The following HSD17B10 variants were observed in gnomAD, a reference collection of about 807,000 sequenced individuals.
The protein encoded by HSD17B10 is 3-hydroxyacyl-CoA dehydrogenase type-2.
For synonymous variants in HSD17B10, 90 were observed against 85.9 expected (o/e 1.05, Z -0.26); for missense variants, 87 against 219.4 (o/e 0.40, Z 3.81).
Position 53,432,488 on chromosome X carries a change from A to G in HSD17B10, c.193-77T>C. On this transcript the variant is annotated intron_variant, in intron 2 of 5. Coordinates refer to ENST00000168216, the MANE Select transcript of HSD17B10 (RefSeq NM_004493.3). Reference sequence around the variant, plus strand: ...CACTAAACCTGAGGGAGGGCAGGGCAGGGCATGCCCAGTCCTTGGGTGAGA... The same window carrying G: ...CACTAAACCTGAGGGAGGGCAGGGCGGGGCATGCCCAGTCCTTGGGTGAGA... The G allele has an allele frequency of 4.7e-6, 4 of 857,588 alleles. No individual in the cohort carries two copies. The Admixed American group carries it at 8.9e-5, about 19-fold the overall frequency. 70.7% of individuals were successfully genotyped at this position (857,588 alleles called of 1,213,427 possible).
At chrX:53,434,261 G>A in intron 1 of HSD17B10, 58 bp downstream of exon 1, 1 of 1,132,419 alleles carries the variant, frequency 8.8e-7, no homozygotes, top group Non-Finnish European at 1.2e-6. Flanking sequence ...CTAGTTCCAC[G>A]GCCGCGCTGT....
In HSD17B10 at chrX:53,432,271, C is replaced by G. The variant is rs2075827834; in HGVS notation, c.333G>C (p.Leu111Phe). The G allele has an allele frequency of 5.0e-6, 6 of 1,209,029 alleles. No homozygotes were observed. The African/African-American group carries it at 8.7e-5, about 18-fold the overall frequency. The change falls in exon 3 of 6, where the codon TTG (leucine) becomes TTC (phenylalanine). Residue 111 changes from leucine to phenylalanine, a missense_variant. Leu to Phe is a conservative substitution (Grantham distance 22). Transcript: ENST00000168216. ...CATCAAGAACTCGCTGGAAGTCTTC[C>G]AAGGTATGGGTCTGGCCCTTCTTTA... ...YNLKKGQTHT[L>F]EDFQRVLDVN... is the part of the protein sequence containing the mutation.
chrX:53,434,154 G>C lies in HSD17B10; in HGVS notation c.27+165C>G, dbSNP rs2075836143. On this transcript the variant is annotated intron_variant, in intron 1 of 5. Coordinates refer to ENST00000168216, the MANE Select transcript of HSD17B10 (RefSeq NM_004493.3). ...TAGACAGACAGACAGACAGACAGAT[G>C]CGCCGCGGAGTGCTGACTTTCACCT... 7 of 586,313 alleles carry C rather than the reference G, an allele frequency of 1.2e-5. No homozygotes were observed. In the East Asian group the frequency reaches 2.5e-4, roughly 21 times the overall value. 48.3% of individuals were successfully genotyped at this position (586,313 alleles called of 1,213,427 possible). A position where few individuals can be genotyped will look rare whatever the true frequency, so the allele number is the denominator to read the frequency against.
In HSD17B10 at chrX:53,434,026, G is replaced by A. The variant is rs139681190; in HGVS notation, c.28-140C>T. The A allele has an allele frequency of 0.013, 8,916 of 703,420 alleles. 60 individuals carry two copies. Among genetic ancestry groups the A allele is most frequent in the Non-Finnish European group, 0.016 (7,462 of 465,778 alleles). The allele number at this position is 703,420 out of a possible 1,213,427, so 58.0% of individuals were successfully genotyped here. A position where few individuals can be genotyped will look rare whatever the true frequency, so the allele number is the denominator to read the frequency against. On this transcript the variant is annotated intron_variant, in intron 1 of 5. Coordinates refer to ENST00000168216, the MANE Select transcript of HSD17B10 (RefSeq NM_004493.3). The stretch of plus-strand genomic sequence containing the variant: ...TCACCCCTGCGGGTAAACTAGGTGT[G>A]CTGCTTCTCCTCAGCGTTGGGACCT...
chrX:53,434,348 T>C lies in HSD17B10; in HGVS notation c.-3A>G. 1 of 1,166,964 alleles carries C rather than the reference T, an allele frequency of 8.6e-7. No individual in the cohort carries two copies. ...ACGCTCCGACACGCTGCTGCCATCT[T>C]GTCGCCGGCCACTCCACGGGATGGG... On this transcript the variant is annotated 5_prime_UTR_variant, in exon 1 of 6. Coordinates refer to ENST00000168216, the MANE Select transcript of HSD17B10 (RefSeq NM_004493.3).
chrX:53,434,261 G>T, intron 1 of HSD17B10, 58 bp downstream of exon 1: 1 of 1,132,413 alleles, frequency 8.8e-7, no homozygotes, highest in Non-Finnish European at 1.2e-6. Flanking sequence ...CTAGTTCCAC[G>T]GCCGCGCTGT....
chrX:53,434,110 TGATTGATA>T (rs2075835779), intron 1 of HSD17B10: 4 of 558,775 alleles, frequency 7.2e-6, no homozygotes, highest in Middle Eastern at 3.5e-4. Flanking sequence ...GATAGATAGA[TGATTGATA>T]GATAGATAGA....
At chrX:53,433,444 A>T (rs1420511754) in intron 2 of HSD17B10, among the ~76,000 whole-genome samples, 1 of 113,141 alleles carries the variant, frequency 8.8e-6, no homozygotes, top group Non-Finnish European at 1.9e-5. Flanking sequence ...CTTTGTAAAT[A>T]TAAAATTACA....
At chrX:53,434,164 G>C in intron 1 of HSD17B10, 155 bp downstream of exon 1, 1 of 615,422 alleles carries the variant, frequency 1.6e-6, no homozygotes, top group Admixed American at 2.6e-5. Context: ...GCGCCGCGGA[G>C]TGCTGACTTT....
intron 2 of HSD17B10, chrX:53,432,958 A>G (rs2075831632): frequency 1.3e-5 from 2 of 152,975 alleles, no homozygotes; most frequent in Admixed American, 7.5e-5. Flanking sequence ...CATGCTCCTG[A>G]AGATTCTTAA....
In HSD17B10 at chrX:53,434,360, C is replaced by T. The variant is rs1454949570; in HGVS notation, c.-15G>A. On this transcript the variant is annotated 5_prime_UTR_variant, in exon 1 of 6. It adds an upstream start codon to the 5' untranslated region. Transcript: ENST00000168216. ...GCTGCTGCCATCTTGTCGCCGGCCA[C>T]TCCACGGGATGGGGATGGGGGCGCG... is the stretch of plus-strand genomic sequence containing the variant. 4 of 1,166,748 alleles carry T rather than the reference C, an allele frequency of 3.4e-6. No individual in the cohort carries two copies. The African/African-American group carries it at 5.4e-5, about 16-fold the overall frequency.
chrX:53,434,325 G>A lies in HSD17B10; in HGVS notation c.21C>T (p.Ser7=). The change falls in exon 1 of 6, where the codon AGC becomes AGT. Residue 7 remains serine (S), a synonymous_variant. Coordinates refer to ENST00000168216, the MANE Select transcript of HSD17B10 (RefSeq NM_004493.3). Reference sequence around the variant, plus strand: ...GAGGCAAAGAACCTTCTACCTTCACGCTCCGACACGCTGCTGCCATCTTGT... The same window carrying A: ...GAGGCAAAGAACCTTCTACCTTCACACTCCGACACGCTGCTGCCATCTTGT... MAAACR[S]VKGLVAVITG... 8.6e-7 allele frequency: 1 copy of A among 1,168,166 alleles called. No individual in the cohort carries two copies. Among genetic ancestry groups the A allele is most frequent in the Non-Finnish European group, 1.1e-6 (1 of 873,076 alleles).
Position 53,431,400 on chromosome X carries a change from C to T in HSD17B10, c.*4G>A. Reference sequence around the variant, plus strand: ...GGAGCGTGTGTTTTCTCTGCCTTCTCCCTTCAAGGCTGCATACGAATGGCC... The same window carrying T: ...GGAGCGTGTGTTTTCTCTGCCTTCTTCCTTCAAGGCTGCATACGAATGGCC... On this transcript the variant is annotated 3_prime_UTR_variant, in exon 6 of 6. Transcript: ENST00000168216. 1 of 1,205,371 alleles carries T rather than the reference C, an allele frequency of 8.3e-7. No homozygotes were observed. Among genetic ancestry groups the T allele is most frequent in the Admixed American group, 2.2e-5 (1 of 45,999 alleles).
chrX:53,433,931 A>G (rs1556894963), intron 1 of HSD17B10, 45 bp from the exon 2 acceptor site: 2 of 1,163,017 alleles, frequency 1.7e-6, no homozygotes, highest in Non-Finnish European at 2.3e-6. Context: ...CATTGCCCAG[A>G]CCATCCCCAC....
Position 53,431,569 on chromosome X carries a change from G to A in HSD17B10, c.621C>T (p.Thr207=). The change falls in exon 6 of 6, where the codon ACC becomes ACT. Residue 207 remains threonine, a synonymous_variant. Coordinates refer to ENST00000168216, the MANE Select transcript of HSD17B10 (RefSeq NM_004493.3). ...APGLFGTPLL[T]SLPEKVCNFL... is the part of the protein sequence containing the mutation. Reference sequence around the variant, plus strand: ...AGTTGCACACTTTCTCTGGGAGGCTGGTCAGCAGTGGGGTGCCAAACAGAC... The same window carrying A: ...AGTTGCACACTTTCTCTGGGAGGCTAGTCAGCAGTGGGGTGCCAAACAGAC... 1 of 1,207,051 alleles carries A rather than the reference G, an allele frequency of 8.3e-7. No individual in the cohort carries two copies. Among genetic ancestry groups the A allele is most frequent in the South Asian group, 1.8e-5 (1 of 56,206 alleles).
In HSD17B10 at chrX:53,432,361, C is replaced by T. The variant is rs2146628349; in HGVS notation, c.243G>A (p.Lys81=). 1.7e-6 allele frequency: 2 copies of T among 1,210,898 alleles called. No homozygotes were observed. Among genetic ancestry groups the T allele is most frequent in the Non-Finnish European group, 2.2e-6 (2 of 894,960 alleles). The change falls in exon 3 of 6, where the codon AAG becomes AAA. Residue 81 remains lysine, a synonymous_variant. Coordinates refer to ENST00000168216, the MANE Select transcript of HSD17B10 (RefSeq NM_004493.3). ...VQTALALAKG[K]FGRVDVAVNC... ...TGACAGCTACATCCACACGGCCAAA[C>T]TTTCCTTTTGCTAGAGCCAGAGCTG...
In HSD17B10 at chrX:53,431,339, G is replaced by T; in HGVS notation, c.*65C>A. The T allele has an allele frequency of 9.4e-7, 1 of 1,059,448 alleles. No homozygotes were observed. The highest frequency in any genetic ancestry group is 1.3e-6 in the Non-Finnish European group (1 of 761,577). 87.3% of individuals were successfully genotyped at this position (1,059,448 alleles called of 1,213,427 possible). A position where few individuals can be genotyped will look rare whatever the true frequency, so the allele number is the denominator to read the frequency against. ...AAATGGCTACTGGGCTTCCTCCCAAGCTGGAGAGTAGTACCCCAGGGAAAG... is the reference window on the plus strand; with the variant it reads ...AAATGGCTACTGGGCTTCCTCCCAATCTGGAGAGTAGTACCCCAGGGAAAG... On this transcript the variant is annotated 3_prime_UTR_variant, in exon 6 of 6. Coordinates refer to ENST00000168216, the MANE Select transcript of HSD17B10 (RefSeq NM_004493.3).
chrX:53,433,523 CATT>C (rs1336615892), intron 2 of HSD17B10, among the ~76,000 whole-genome samples, 196 bp downstream of exon 2: 14 of 112,673 alleles, frequency 1.2e-4, no homozygotes, highest in Admixed American at 3.7e-4. Context: ...TCCCCATCCT[CATT>C]GTTGTGAATC....
intron 2 of HSD17B10, chrX:53,433,059 C>T (rs1385405057): frequency 5.8e-5 from 7 of 121,316 alleles, no homozygotes; most frequent in East Asian, 4.8e-4. Context: ...GAGGCCGAGG[C>T]GGGCGGATCA....
Sources: gnomAD v4.1 joint callset for allele counts (sites outside exome capture counted in the v4.1 genomes callset) on GRCh38, gnomAD v4.1.1 for gene constraint, MANE v1.5 for transcripts, NCBI Gene and HGNC (gene_info 2026-07-23, HGNC 2026-07-21) for gene names.